IGSF3: variants seen among roughly 807,000 people sequenced by gnomAD.
The protein encoded by IGSF3 is glu-Trp-Ile EWI motif-containing protein 3.
Under a neutral mutation model 114.4 loss-of-function variants are expected in IGSF3, and 23 were observed. The observed-to-expected ratio is 0.20, with a 90% CI of 0.14 to 0.28. IGSF3 has a LOEUF of 0.28. Among genes scored for constraint, IGSF3 ranks in the 10% least tolerant of loss-of-function variants. The pLI is 1.00. For synonymous variants in IGSF3, 571 were observed against 645.2 expected, an observed-to-expected ratio of 0.88 and a Z score of 1.74; for missense variants, 1,172 against 1,591.5, an observed-to-expected ratio of 0.74 and a Z score of 4.48.
In IGSF3 at chr1:116,629,206, C is replaced by A. The variant is rs1647444135; in HGVS notation, c.44-12749G>T. ...AACTGCAGAGAACAATATTTATGAA[C>A]ACCTAAAAATGCTGAAAGCACACTA... is the stretch of plus-strand genomic sequence containing the variant. On this transcript the variant is annotated intron_variant, in intron 2 of 10. Coordinates refer to ENST00000369486, the MANE Select transcript of IGSF3 (RefSeq NM_001007237.3). This position sits in a 1 kb window ranked among gnomAD's most constrained non-coding sequence, Gnocchi z 4.3. Among the ~76,000 whole-genome samples the A allele has an allele frequency of 6.6e-6, 1 of 152,118 alleles. No individual in the cohort carries two copies. The highest frequency in any genetic ancestry group is 2.4e-5 in the African/African-American group (1 of 41,398).
At position 116,613,886 on chromosome 1, in the gene IGSF3, C is replaced by G. The variant is rs772523287; in HGVS notation, c.711G>C (p.Gln237His). The part of the protein sequence containing the change: ...TTFRLTIFHL[Q>H]PSDQGEFYCE... ...AGTAGAATTCGCCCTGGTCAGAAGG[C>G]TGCAGGTGGAAGATGGTGAGGCGGA... The change falls in exon 4 of 11, where the codon CAG becomes CAC. Residue 237 changes from glutamine to histidine, a missense_variant. Physicochemically the swap from Gln to His is conservative, Grantham distance 24. Coordinates refer to ENST00000369486, the MANE Select transcript of IGSF3 (RefSeq NM_001007237.3). The G allele has an allele frequency of 6.2e-7, 1 of 1,614,002 alleles. No individual in the cohort carries two copies. The highest frequency in any genetic ancestry group is 8.5e-7 in the Non-Finnish European group (1 of 1,179,872).
At chr1:116,659,124 A>C (rs993482203) in intron 2 of IGSF3, among the ~76,000 whole-genome samples, 1 of 152,176 alleles carries the variant, frequency 6.6e-6, no homozygotes, top group East Asian at 1.9e-4. Context: ...AGGATCTTGC[A>C]GTGCCCCAGG....
Position 116,625,262 on chromosome 1 carries a change from T to C in IGSF3, c.44-8805A>G, listed in dbSNP as rs796419695. Among the ~76,000 whole-genome samples the C allele has an allele frequency of 1.1e-4, 17 of 152,378 alleles. No homozygotes were observed. Among genetic ancestry groups the C allele is most frequent in the African/African-American group, 4.1e-4 (17 of 41,594 alleles). Reference sequence around the variant, plus strand: ...AAATACACATAACTAATCATTTTAATGGTATACAATAGCAGTGAGGTGCAA... The same window carrying C: ...AAATACACATAACTAATCATTTTAACGGTATACAATAGCAGTGAGGTGCAA... On this transcript the variant is annotated intron_variant, in intron 2 of 10. Coordinates refer to ENST00000369486, the MANE Select transcript of IGSF3 (RefSeq NM_001007237.3). This position sits in a 1 kb window ranked among gnomAD's most constrained non-coding sequence, Gnocchi z 4.7.
At chr1:116,617,754 A>T (rs1409965956) in intron 2 of IGSF3, among the ~76,000 whole-genome samples, 1 of 152,342 alleles carries the variant, frequency 6.6e-6, no homozygotes, top group Non-Finnish European at 1.5e-5. Context: ...ATCAGTCCTC[A>T]ATAAAGAGCT....
At position 116,591,802 on chromosome 1, in the gene IGSF3, C is replaced by T. The variant is rs1266077386; in HGVS notation, c.2030-2698G>A. Among the ~76,000 whole-genome samples, 10 of 152,170 alleles carry T rather than the reference C, an allele frequency of 6.6e-5. 1 individual carries two copies. Among genetic ancestry groups the T allele is most frequent in the South Asian group, 4.1e-4 (2 of 4,832 alleles). ...CCTGCCCTGGGCGGTGTACAGCTTG[C>T]GTGCACCACCTTCCTCCACAGAGCT... On this transcript the variant is annotated intron_variant, in intron 7 of 10. Transcript: ENST00000369486.
intron 2 of IGSF3, among the ~76,000 whole-genome samples, chr1:116,645,711 G>A (rs985417457): frequency 3.9e-5 from 6 of 152,228 alleles, no homozygotes; most frequent in African/African-American, 1.4e-4. Flanking sequence ...TGAACACACA[G>A]AGCAAGCAAC....
chr1:116,632,396 TGTC>T lies in IGSF3; in HGVS notation c.44-15942_44-15940del, dbSNP rs1420605703. ...GCGTGCTAGCATCTCTCAGCTAGACTGTCATTGGATGGTGACATTCCCCAGGAC... is the reference window on the plus strand; with the variant it reads ...GCGTGCTAGCATCTCTCAGCTAGACTATTGGATGGTGACATTCCCCAGGAC... On this transcript the variant is annotated intron_variant, in intron 2 of 10. Coordinates refer to ENST00000369486, the MANE Select transcript of IGSF3 (RefSeq NM_001007237.3). This position sits in a 1 kb window ranked among gnomAD's most constrained non-coding sequence, Gnocchi z 5.1. 1.3e-5 allele frequency among the ~76,000 whole-genome samples: 2 copies of T among 152,162 alleles called. No individual in the cohort carries two copies. Among genetic ancestry groups the T allele is most frequent in the Non-Finnish European group, 2.9e-5 (2 of 68,038 alleles).
chr1:116,633,423 T>A lies in IGSF3; in HGVS notation c.44-16966A>T, dbSNP rs28485073. ...ATTCCCTATAAGCAAAATTTTAAAA[T>A]TTTTTTTAAAGAAGAAAAACACCTA... On this transcript the variant is annotated intron_variant, in intron 2 of 10. Coordinates refer to ENST00000369486, the MANE Select transcript of IGSF3 (RefSeq NM_001007237.3). This position sits in a 1 kb window ranked among gnomAD's most constrained non-coding sequence, Gnocchi z 4.3. Among the ~76,000 whole-genome samples, 2 of 152,120 alleles carry A rather than the reference T, an allele frequency of 1.3e-5. No homozygotes were observed. The highest frequency in any genetic ancestry group is 2.4e-5 in the African/African-American group (1 of 41,436).
In IGSF3 at chr1:116,575,679, A is replaced by T. The variant is rs1659314731; in HGVS notation, c.*1633T>A. On this transcript the variant is annotated 3_prime_UTR_variant, in exon 11 of 11. Coordinates refer to ENST00000369486, the MANE Select transcript of IGSF3 (RefSeq NM_001007237.3). The surrounding 1 kb of genome is among the most constrained non-coding windows in gnomAD (Gnocchi z 5.6). Reference sequence around the variant, plus strand: ...GATGTAAGTTCCCAGAGTAAAGGAGATGGCATGCTTGGCCAGAAAAATATG... The same window carrying T: ...GATGTAAGTTCCCAGAGTAAAGGAGTTGGCATGCTTGGCCAGAAAAATATG... 1 of 152,240 alleles carries T rather than the reference A, an allele frequency of 6.6e-6. No individual in the cohort carries two copies. Among genetic ancestry groups the T allele is most frequent in the African/African-American group, 2.4e-5 (1 of 41,462 alleles). The allele number at this position is 152,240 out of a possible 1,614,324, so 9.4% of individuals were successfully genotyped here.
chr1:116,581,868 C>A (rs1418989138), intron 9 of IGSF3, among the ~76,000 whole-genome samples: 1 of 152,140 alleles, frequency 6.6e-6, no homozygotes, highest in African/African-American at 2.4e-5. Flanking sequence ...CAAGGGGAGC[C>A]CCCCACCCCA....
At chr1:116,652,512 C>A (rs1161329893) in intron 2 of IGSF3, among the ~76,000 whole-genome samples, 1 of 152,212 alleles carries the variant, frequency 6.6e-6, no homozygotes, top group African/African-American at 2.4e-5. Flanking sequence ...AAAAGCTTCA[C>A]TTAGAGTAAC....
At chr1:116,631,360 A>G (rs1055232237) in intron 2 of IGSF3, among the ~76,000 whole-genome samples, 7 of 150,554 alleles carry the variant, frequency 4.6e-5, no homozygotes, top group Non-Finnish European at 1.0e-4. Context: ...GCTTTGAACT[A>G]TGAGCAGTGG....
chr1:116,644,858 C>G lies in IGSF3; in HGVS notation c.43+21426G>C, dbSNP rs998843861. Among the ~76,000 whole-genome samples the G allele has an allele frequency of 6.6e-6, 1 of 152,130 alleles. No homozygotes were observed. The highest frequency in any genetic ancestry group is 2.4e-5 in the African/African-American group (1 of 41,420). ...CCCACCTCAGCAGCCAGTGACACTA[C>G]GATATAGGGAAAAGAACCTAGATTA... is the stretch of plus-strand genomic sequence containing the variant. On this transcript the variant is annotated intron_variant, in intron 2 of 10. Coordinates refer to ENST00000369486, the MANE Select transcript of IGSF3 (RefSeq NM_001007237.3). The surrounding 1 kb of genome is among the most constrained non-coding windows in gnomAD (Gnocchi z 5.6).
chr1:116,619,353 AAC>A (rs1661337716), intron 2 of IGSF3, among the ~76,000 whole-genome samples: 1 of 152,198 alleles, frequency 6.6e-6, no homozygotes, highest in Non-Finnish European at 1.5e-5. Flanking sequence ...CCCAATGGTA[AAC>A]AGTGTTAAGT....
At position 116,612,479 on chromosome 1, in the gene IGSF3, C is replaced by G. The variant is rs1029263431; in HGVS notation, c.832+1286G>C. ...GAAATCCAGCTTCCCAGGTCCCATC[C>G]CAGGAGCCTCCAATTGAAGACTTCT... On this transcript the variant is annotated intron_variant, in intron 4 of 10. Transcript: ENST00000369486. This position sits in a 1 kb window ranked among gnomAD's most constrained non-coding sequence, Gnocchi z 4.1. Among the ~76,000 whole-genome samples, 1 of 152,070 alleles carries G rather than the reference C, an allele frequency of 6.6e-6. No homozygotes were observed. The highest frequency in any genetic ancestry group is 6.6e-5 in the Admixed American group (1 of 15,250).
chr1:116,597,007 A>G (rs1660370877), intron 7 of IGSF3, among the ~76,000 whole-genome samples: 1 of 152,256 alleles, frequency 6.6e-6, no homozygotes, highest in Non-Finnish European at 1.5e-5. Flanking sequence ...ATTCTTCTGT[A>G]AAGGACACGA....
rs1660029383 is a variant in IGSF3 at position 116,589,973 on chromosome 1, C to T, written c.2030-869G>A. Among the ~76,000 whole-genome samples, 1 of 152,092 alleles carries T rather than the reference C, an allele frequency of 6.6e-6. No homozygotes were observed. Among genetic ancestry groups the T allele is most frequent in the Admixed American group, 6.5e-5 (1 of 15,274 alleles). On this transcript the variant is annotated intron_variant, in intron 7 of 10. Coordinates refer to ENST00000369486, the MANE Select transcript of IGSF3 (RefSeq NM_001007237.3). This position sits in a 1 kb window ranked among gnomAD's most constrained non-coding sequence, Gnocchi z 5.7. The stretch of plus-strand genomic sequence containing the variant: ...CACCTGGGCCAGGAAAGCATTTGAT[C>T]AGTGTTTGCTGAAATAGGTGAACGA...
intron 5 of IGSF3, among the ~76,000 whole-genome samples, chr1:116,604,542 A>G (rs1163841611): frequency 6.6e-6 from 1 of 152,202 alleles, no homozygotes; most frequent in Admixed American, 6.5e-5. Flanking sequence ...AACCAACAGT[A>G]AGTATTGGGA....
Position 116,666,639 on chromosome 1 carries a change from T to C in IGSF3, c.-313A>G, listed in dbSNP as rs1649345347. On this transcript the variant is annotated 5_prime_UTR_variant, in exon 2 of 11. Coordinates refer to ENST00000369486, the MANE Select transcript of IGSF3 (RefSeq NM_001007237.3). ...ATTGCAGACTGTAGTGGATTAATCC[T>C]CCAGAAGCACGGAAAAAAGGGTCTG... 1.1e-5 allele frequency: 6 copies of C among 566,636 alleles called. No homozygotes were observed. In the East Asian group the frequency reaches 1.7e-4, roughly 16 times the overall value. The allele number at this position is 566,636 out of a possible 1,614,324, so 35.1% of individuals were successfully genotyped here.
Sources: gnomAD v4.1 joint callset for allele counts (sites outside exome capture counted in the v4.1 genomes callset) on GRCh38, gnomAD v4.1.1 for gene constraint, Gnocchi (gnomAD v3.1) non-coding constraint, MANE v1.5 for transcripts, NCBI Gene and HGNC (gene_info 2026-07-23, HGNC 2026-07-21) for gene names.